The following TSNARE1 variants were observed in gnomAD, a reference collection of about 807,000 sequenced individuals.
The protein encoded by TSNARE1 is t-SNARE domain-containing protein 1.
In TSNARE1, 49 loss-of-function variants were observed where a neutral mutation model predicts 62.0. That is an observed-to-expected ratio of 0.79 (90% CI 0.63 to 1.00). The LOEUF is 1.00. Among genes scored for constraint, TSNARE1 ranks in the 50% least tolerant of loss-of-function variants. The pLI, the probability that TSNARE1 is intolerant of heterozygous loss-of-function variation, is 0.00. For synonymous variants in TSNARE1, 328 were observed against 294.4 expected (o/e 1.11, Z -1.17); for missense variants, 755 against 700.1 (o/e 1.08, Z -0.88).
chr8:142,251,766 T>G (rs1818176789), intron 12 of TSNARE1, among the ~76,000 whole-genome samples: 1 of 147,426 alleles, frequency 6.8e-6, no homozygotes, highest in Admixed American at 6.7e-5. Flanking sequence ...CCGGGCACCA[T>G]GTACCCGCCG....
intron 13 of TSNARE1, among the ~76,000 whole-genome samples, chr8:142,221,670 C>T (rs1816218951): frequency 9.2e-6 from 1 of 108,750 alleles, no homozygotes; most frequent in Non-Finnish European, 1.9e-5. Flanking sequence ...CTCACTCACT[C>T]ATCCACTCAT....
intron 12 of TSNARE1, chr8:142,273,249 C>G (rs1819891346): frequency 1.0e-6 from 1 of 985,334 alleles, no homozygotes; most frequent in South Asian, 4.7e-5. Context: ...GGCATCAGCG[C>G]TGCTTCTGAC....
In TSNARE1 at chr8:142,217,379, G is replaced by GA. The variant is rs1563750495; in HGVS notation, c.*12-5067_*12-5066insT. 2.0e-3 allele frequency among the ~76,000 whole-genome samples: 280 copies of GA among 138,948 alleles called. 8 individuals are homozygous for GA. Among genetic ancestry groups the GA allele is most frequent in the African/African-American group, 7.4e-3 (252 of 34,160 alleles). 91.2% of individuals were successfully genotyped at this position (138,948 alleles called of 152,430 possible). A position where few individuals can be genotyped will look rare whatever the true frequency, so the allele number is the denominator to read the frequency against. Reference sequence around the variant, plus strand: ...AGAAAGAAAGAAAGAAAGAAAAAAGGGAAAGAAAGAAAAAGCAAGCAAGCA... The same window carrying GA: ...AGAAAGAAAGAAAGAAAGAAAAAAGGAGAAAGAAAGAAAAAGCAAGCAAGCA... On this transcript the variant is annotated intron_variant, in intron 13 of 13. Transcript: ENST00000524325.
chr8:142,297,470 T>G (rs569936000), intron 10 of TSNARE1, among the ~76,000 whole-genome samples: 1 of 152,322 alleles, frequency 6.6e-6, no homozygotes, highest in East Asian at 1.9e-4. Flanking sequence ...GGGCTCTCTC[T>G]CAGACCTCAA....
At chr8:142,284,053 G>A (rs1284533524) in intron 11 of TSNARE1, among the ~76,000 whole-genome samples, 1 of 139,660 alleles carries the variant, frequency 7.2e-6, no homozygotes, top group African/African-American at 2.5e-5. Flanking sequence ...ACCAGTGTCT[G>A]CCAATGAGCA....
At chr8:142,401,024 C>G (rs967930932) in intron 1 of TSNARE1, among the ~76,000 whole-genome samples, 1 of 152,210 alleles carries the variant, frequency 6.6e-6, no homozygotes, top group Non-Finnish European at 1.5e-5. Flanking sequence ...GATGCACCCA[C>G]GCCGTGTCGC....
intron 10 of TSNARE1, 34 bp from the exon 11 acceptor site, chr8:142,284,519 G>A (rs368086014): frequency 6.3e-7 from 1 of 1,580,342 alleles, no homozygotes; most frequent in East Asian, 2.2e-5. Context: ...ATCAGGAGCA[G>A]GGCTGTGGGG....
intron 1 of TSNARE1, among the ~76,000 whole-genome samples, chr8:142,360,740 C>G (rs900853567): frequency 2.6e-5 from 4 of 152,148 alleles, no homozygotes; most frequent in Non-Finnish European, 4.4e-5. Context: ...GTGCCACCAC[C>G]CTGGCAACTC....
intron 13 of TSNARE1, among the ~76,000 whole-genome samples, chr8:142,226,527 G>A (rs1013454170): frequency 3.9e-5 from 6 of 152,130 alleles, no homozygotes; most frequent in African/African-American, 9.7e-5. Flanking sequence ...CTGGGAGGGG[G>A]ACCCTGGTGG....
At chr8:142,252,415 C>T (rs1268530716) in intron 12 of TSNARE1, among the ~76,000 whole-genome samples, 3 of 152,190 alleles carry the variant, frequency 2.0e-5, no homozygotes, top group Non-Finnish European at 2.9e-5. Context: ...CTCTCTTTCC[C>T]GCGTCTGTAA....
chr8:142,362,559 G>A (rs62511365), intron 1 of TSNARE1, among the ~76,000 whole-genome samples: 16 of 152,212 alleles, frequency 1.1e-4, no homozygotes, highest in Admixed American at 3.9e-4. Flanking sequence ...AGGGGCCTCC[G>A]GTGGAAGAGC....
At chr8:142,376,651 G>A (rs933919658) in intron 1 of TSNARE1, among the ~76,000 whole-genome samples, 5 of 152,204 alleles carry the variant, frequency 3.3e-5, no homozygotes, top group African/African-American at 1.2e-4. Flanking sequence ...TTGTTCACCA[G>A]CCTGAATGGA....
rs1003683963 is a variant in TSNARE1 at position 142,265,786 on chromosome 8, G to A, written c.1446+8995C>T. 5.9e-5 allele frequency among the ~76,000 whole-genome samples: 9 copies of A among 152,286 alleles called. No homozygotes were observed. In the South Asian group the frequency reaches 1.0e-3, roughly 18 times the overall value. On this transcript the variant is annotated intron_variant, in intron 12 of 13. Coordinates refer to ENST00000524325, the MANE Select transcript of TSNARE1 (RefSeq NM_145003.5). ...CTTCAGCGGCAGGCAGTGGCATCGC[G>A]GTGTGGGCTTAATGTGTATTTCCCT...
At chr8:142,367,660 C>G (rs758605906) in intron 1 of TSNARE1, among the ~76,000 whole-genome samples, 2 of 152,138 alleles carry the variant, frequency 1.3e-5, no homozygotes, top group Non-Finnish European at 2.9e-5. Context: ...TTATACACTT[C>G]AAAACGGTGA....
intron 12 of TSNARE1, chr8:142,270,728 T>C: frequency 1.0e-6 from 1 of 985,352 alleles, no homozygotes; most frequent in Non-Finnish European, 1.2e-6. Flanking sequence ...GGCCCCTCAG[T>C]GCATCTTCCC....
chr8:142,300,205 T>C (rs1387360890), intron 10 of TSNARE1: 5 of 327,474 alleles, frequency 1.5e-5, no homozygotes, highest in Non-Finnish European at 2.8e-5. Context: ...ACTGAGAGGC[T>C]ACCCCAGCAT....
intron 1 of TSNARE1, among the ~76,000 whole-genome samples, chr8:142,376,736 G>A (rs1353418196): frequency 6.6e-6 from 1 of 152,180 alleles, no homozygotes; most frequent in Admixed American, 6.5e-5. Flanking sequence ...CCAGACACGG[G>A]ACTCCCAGGG....
At chr8:142,400,443 C>CA (rs887161234) in intron 1 of TSNARE1, among the ~76,000 whole-genome samples, 2 of 142,896 alleles carry the variant, frequency 1.4e-5, no homozygotes, top group African/African-American at 2.6e-5. Flanking sequence ...GGAAGCTTCT[C>CA]AAAAAAAATT....
In TSNARE1 at chr8:142,335,733, G is replaced by A. The variant is rs145378034; in HGVS notation, c.746-3902C>T. Among the ~76,000 whole-genome samples, 293 of 152,264 alleles carry A rather than the reference G, an allele frequency of 1.9e-3. 2 individuals carry two copies. The highest frequency in any genetic ancestry group is 6.4e-3 in the African/African-American group (264 of 41,546). On this transcript the variant is annotated intron_variant, in intron 4 of 13. Transcript: ENST00000524325. ...ATGATGCATGAGCCGAAGACGGCTC[G>A]TCCACTCCAGTAGCCATCAACCCCT...
Sources: gnomAD v4.1 joint callset for allele counts (sites outside exome capture counted in the v4.1 genomes callset) on GRCh38, gnomAD v4.1.1 for gene constraint, MANE v1.5 for transcripts, NCBI Gene and HGNC (gene_info 2026-07-23, HGNC 2026-07-21) for gene names.